Variants in DSCAML1 observed in about 807,000 individuals in gnomAD.
DSCAML1 encodes the protein DS cell adhesion molecule like 1.
A neutral mutation model predicts 200.5 loss-of-function variants in DSCAML1; 38 were observed. The ratio of observed to expected loss-of-function variants is 0.19; its 90% confidence interval spans 0.15 to 0.25. DSCAML1 has a LOEUF of 0.25. Ranked by LOEUF, DSCAML1 falls within the 10% of genes least tolerant of loss-of-function variation. DSCAML1 has a pLI of 1.00. For synonymous variants in DSCAML1, 1,215 were observed against 1,165.0 expected, an observed-to-expected ratio of 1.04 and a Z score of -0.87; for missense variants, 2,223 against 2,858.8, an observed-to-expected ratio of 0.78 and a Z score of 5.07.
At position 117,780,221 on chromosome 11, in the gene DSCAML1, A is replaced by G. The variant is rs144659064; in HGVS notation, c.364+272T>C. Among the ~76,000 whole-genome samples the G allele has an allele frequency of 7.8e-5, 5 of 63,954 alleles. No homozygotes were observed. Among genetic ancestry groups the G allele is most frequent in the African/African-American group, 2.4e-4 (5 of 20,598 alleles). The allele number at this position is 63,954 out of a possible 152,430, so 42.0% of individuals were successfully genotyped here. On this transcript the variant is annotated intron_variant, in intron 2 of 32. Transcript: ENST00000651296. The surrounding 1 kb of genome is among the most constrained non-coding windows in gnomAD (Gnocchi z 4.8). ...AAAGAGAAAGAAAGAGAGAGAGAGA[A>G]AGAAAGAAAGGAAAGAAAGAAAGAA...
chr11:117,437,560 C>T lies in DSCAML1; in HGVS notation c.4433-151G>A. The stretch of plus-strand genomic sequence containing the variant: ...TTGGCACAGATGGGGTGGGGAAGCC[C>T]CAGGGCGCAGAGGAGGAAGAGGAGG... On this transcript the variant is annotated intron_variant, in intron 25 of 32. Transcript: ENST00000651296. This position sits in a 1 kb window ranked among gnomAD's most constrained non-coding sequence, Gnocchi z 5.3. 1 of 1,007,472 alleles carries T rather than the reference C, an allele frequency of 9.9e-7. No individual in the cohort carries two copies. The allele number at this position is 1,007,472 out of a possible 1,614,324, so 62.4% of individuals were successfully genotyped here.
intron 3 of DSCAML1, among the ~76,000 whole-genome samples, chr11:117,656,535 CTAT>C (rs2052739782): frequency 3.9e-5 from 6 of 152,014 alleles, no homozygotes; most frequent in South Asian, 2.1e-4. Context: ...ATCTATCTAT[CTAT>C]CTATCTATCC....
At chr11:117,521,672 C>T (rs562012246) in intron 5 of DSCAML1, among the ~76,000 whole-genome samples, 3 of 152,238 alleles carry the variant, frequency 2.0e-5, no homozygotes, top group Non-Finnish European at 4.4e-5. Flanking sequence ...TGTCCCTGTG[C>T]CTGGTGAGAG....
intron 3 of DSCAML1, among the ~76,000 whole-genome samples, chr11:117,763,102 C>T (rs1312355480): frequency 6.6e-6 from 1 of 152,090 alleles, no homozygotes; most frequent in Non-Finnish European, 1.5e-5. Context: ...GGGTTAGGGC[C>T]AGCAGCCCGA....
chr11:117,796,648 G>A (rs1202132129), intron 1 of DSCAML1, among the ~76,000 whole-genome samples: 1 of 152,236 alleles, frequency 6.6e-6, no homozygotes, highest in African/African-American at 2.4e-5. Context: ...TAGGTCAAGA[G>A]TCACGGCCTG....
chr11:117,496,572 A>G (rs1172013922), intron 11 of DSCAML1, among the ~76,000 whole-genome samples: 1 of 152,142 alleles, frequency 6.6e-6, no homozygotes, highest in Non-Finnish European at 1.5e-5. Context: ...GATACACACA[A>G]TTTTGTGATT....
At chr11:117,572,674 G>A (rs977785247) in intron 3 of DSCAML1, among the ~76,000 whole-genome samples, 23 of 152,158 alleles carry the variant, frequency 1.5e-4, no homozygotes, top group South Asian at 2.1e-4. Context: ...GGGGGGAGGC[G>A]GGGATATGCT....
At chr11:117,520,147 G>T (rs1287855286) in intron 6 of DSCAML1, among the ~76,000 whole-genome samples, 2 of 152,226 alleles carry the variant, frequency 1.3e-5, no homozygotes, top group African/African-American at 2.4e-5. Context: ...TGAGAAAGTG[G>T]TGCCTCCTCT....
intron 20 of DSCAML1, among the ~76,000 whole-genome samples, chr11:117,445,047 T>TGCACACACACGCTCACAAGC (rs1447908105): frequency 1.1e-4 from 16 of 152,122 alleles, no homozygotes; most frequent in African/African-American, 3.6e-4. Flanking sequence ...CACAGGATCT[T>TGCACACACACGCTCACAAGC]GCACACACAC....
At chr11:117,692,744 G>A (rs1006572265) in intron 3 of DSCAML1, among the ~76,000 whole-genome samples, 17 of 152,134 alleles carry the variant, frequency 1.1e-4, no homozygotes, top group Non-Finnish European at 1.2e-4. Context: ...CACCTTTAGC[G>A]GTAGGAAGCT....
At chr11:117,770,029 C>G (rs1387569058) in intron 3 of DSCAML1, among the ~76,000 whole-genome samples, 1 of 152,198 alleles carries the variant, frequency 6.6e-6, no homozygotes. Flanking sequence ...CCTGCACTGT[C>G]ACCTCCACCT....
chr11:117,758,303 A>G (rs557151053), intron 3 of DSCAML1, among the ~76,000 whole-genome samples: 1 of 151,158 alleles, frequency 6.6e-6, no homozygotes, highest in African/African-American at 2.4e-5. Flanking sequence ...CCATCTCAAA[A>G]AAAAAAAAAA....
At chr11:117,715,542 A>G (rs1204017757) in intron 3 of DSCAML1, among the ~76,000 whole-genome samples, 2 of 152,220 alleles carry the variant, frequency 1.3e-5, no homozygotes, top group Non-Finnish European at 2.9e-5. Flanking sequence ...AGACAGCGAT[A>G]GCTCTTGCCT....
chr11:117,464,722 C>T (rs1008341453), intron 17 of DSCAML1, among the ~76,000 whole-genome samples: 2 of 152,180 alleles, frequency 1.3e-5, no homozygotes, highest in African/African-American at 2.4e-5. Context: ...AGCACAGCAT[C>T]GGTCAAAAGG....
At chr11:117,799,859 T>A (rs1286885433), upstream of DSCAML1, among the ~76,000 whole-genome samples, 1 of 152,200 alleles carries the variant, frequency 6.6e-6, no homozygotes, top group Non-Finnish European at 1.5e-5. Flanking sequence ...GTAACTACCA[T>A]GAATGGGAAC....
chr11:117,515,215 G>C (rs1404007277), intron 8 of DSCAML1, among the ~76,000 whole-genome samples: 1 of 152,190 alleles, frequency 6.6e-6, no homozygotes, highest in East Asian at 1.9e-4. Context: ...GCCCATCCTG[G>C]CTCTTCACGA....
At chr11:117,769,029 T>A (rs2054948973) in intron 3 of DSCAML1, among the ~76,000 whole-genome samples, 1 of 141,548 alleles carries the variant, frequency 7.1e-6, no homozygotes, top group African/African-American at 2.6e-5. Context: ...TGAACCAAGA[T>A]CACCTGGGTG....
chr11:117,548,658 A>G (rs1341030704), intron 3 of DSCAML1, among the ~76,000 whole-genome samples: 1 of 152,060 alleles, frequency 6.6e-6, no homozygotes, highest in Admixed American at 6.5e-5. Context: ...CCTCCCCATA[A>G]CAGCTGGGCC....
chr11:117,470,007 C>T, intron 15 of DSCAML1, 27 bp from the exon 16 acceptor site: 1 of 1,567,092 alleles, frequency 6.4e-7, no homozygotes, highest in Admixed American at 1.7e-5. Context: ...GGAGGAGAAA[C>T]ATTACAAGTC....
Sources: gnomAD v4.1 joint callset for allele counts (sites outside exome capture counted in the v4.1 genomes callset) on GRCh38, gnomAD v4.1.1 for gene constraint, Gnocchi (gnomAD v3.1) non-coding constraint, MANE v1.5 for transcripts, NCBI Gene and HGNC (gene_info 2026-07-23, HGNC 2026-07-21) for gene names.